Variants in NOL4 observed in about 807,000 individuals in gnomAD.
NOL4 encodes the protein cancer/testis antigen 125.
In NOL4, 17 loss-of-function variants were observed where a neutral mutation model predicts 75.9. That is an observed-to-expected ratio of 0.22 (90% CI 0.15 to 0.34). The LOEUF is 0.34. NOL4 is among the 10% of genes least tolerant of loss of function. The pLI, the probability that NOL4 is intolerant of heterozygous loss-of-function variation, is 1.00. For missense variants in NOL4, 614 were observed against 793.5 expected (o/e 0.77, Z 2.72); for synonymous variants, 292 against 289.9 (o/e 1.01, Z -0.07).
At chr18:33,891,095 A>C (rs2065066822) in intron 9 of NOL4, among the ~76,000 whole-genome samples, 1 of 151,808 alleles carries the variant, frequency 6.6e-6, no homozygotes, top group Admixed American at 6.6e-5. Context: ...ATATTCTTCC[A>C]TACTATAATA....
At chr18:34,199,624 A>G (rs2035591882) in intron 1 of NOL4, among the ~76,000 whole-genome samples, 1 of 151,924 alleles carries the variant, frequency 6.6e-6, no homozygotes, top group African/African-American at 2.4e-5. Context: ...TGAACACGTC[A>G]GTGTTCTGTA....
intron 1 of NOL4, among the ~76,000 whole-genome samples, chr18:34,208,237 T>C (rs896742101): frequency 2.0e-5 from 3 of 152,112 alleles, no homozygotes; most frequent in African/African-American, 4.8e-5. Context: ...AGTTATGTTG[T>C]ATATTCCTTC....
chr18:34,054,094 CA>C (rs1052564069), intron 5 of NOL4, among the ~76,000 whole-genome samples: 1 of 151,886 alleles, frequency 6.6e-6, no homozygotes, highest in Non-Finnish European at 1.5e-5. Flanking sequence ...GGTATAATTT[CA>C]ATCATTTTAA....
At chr18:33,853,983 T>C (rs897550286) in intron 10 of NOL4, among the ~76,000 whole-genome samples, 1 of 152,152 alleles carries the variant, frequency 6.6e-6, no homozygotes, top group Non-Finnish European at 1.5e-5. Flanking sequence ...TTTATACTTC[T>C]TAGCTGACAT....
At chr18:34,117,854 G>C (rs2079935259) in intron 2 of NOL4, among the ~76,000 whole-genome samples, 1 of 152,178 alleles carries the variant, frequency 6.6e-6, no homozygotes, top group Non-Finnish European at 1.5e-5. Flanking sequence ...TAATGTGCGA[G>C]CTGAAATAAA....
chr18:34,081,665 T>C (rs1197052848), intron 5 of NOL4, among the ~76,000 whole-genome samples: 1 of 152,202 alleles, frequency 6.6e-6, no homozygotes, highest in East Asian at 1.9e-4. Context: ...CCTTCCATCA[T>C]AGCTTGGTCT....
intron 1 of NOL4, among the ~76,000 whole-genome samples, chr18:34,194,457 A>AAGGAAGGAAGGAAGGCAGGC (rs1301161192): frequency 4.1e-5 from 6 of 146,318 alleles, no homozygotes; most frequent in African/African-American, 1.5e-4. Flanking sequence ...GGAAGGAAGG[A>AAGGAAGGAAGGAAGGCAGGC]AGGCAGGCAG....
chr18:33,917,941 T>A (rs989292682), intron 9 of NOL4, among the ~76,000 whole-genome samples: 4 of 152,224 alleles, frequency 2.6e-5, no homozygotes, highest in Admixed American at 2.0e-4. Flanking sequence ...AACTGTGGGT[T>A]TTCAGAACAC....
chr18:33,860,440 T>C (rs2063057801), intron 10 of NOL4, among the ~76,000 whole-genome samples: 1 of 152,142 alleles, frequency 6.6e-6, no homozygotes, highest in Admixed American at 6.6e-5. Context: ...GTCTAGGAGT[T>C]TGTGCAAGTT....
chr18:34,168,008 GTTTTA>G (rs1346215688), intron 1 of NOL4, among the ~76,000 whole-genome samples: 11 of 151,494 alleles, frequency 7.3e-5, no homozygotes, highest in Non-Finnish European at 1.3e-4. Flanking sequence ...ATTTTTTTCT[GTTTTA>G]TTTTATAAAT....
chr18:34,162,043 T>C (rs1352612764), intron 1 of NOL4, among the ~76,000 whole-genome samples: 2 of 152,174 alleles, frequency 1.3e-5, no homozygotes, highest in Non-Finnish European at 2.9e-5. Context: ...TCTCCCCAAA[T>C]ATATTATCCA....
chr18:33,947,287 G>C (rs2068903718), intron 8 of NOL4, among the ~76,000 whole-genome samples: 1 of 151,652 alleles, frequency 6.6e-6, no homozygotes, highest in African/African-American at 2.4e-5. Context: ...TTTGACAGTT[G>C]AGGGCTTATT....
intron 9 of NOL4, among the ~76,000 whole-genome samples, chr18:33,931,893 T>C (rs915168758): frequency 6.6e-6 from 1 of 152,062 alleles, no homozygotes; most frequent in Non-Finnish European, 1.5e-5. Flanking sequence ...CTTTTAAATA[T>C]ATAATGAATT....
chr18:34,019,338 C>T lies in NOL4; in HGVS notation c.1036G>A (p.Ala346Thr). ...CATACCTTGCTTCCATTTTCTCTCGCCTCTCGTTCCATCTTGAGGTCAGAA... is the reference window on the plus strand; with the variant it reads ...CATACCTTGCTTCCATTTTCTCTCGTCTCTCGTTCCATCTTGAGGTCAGAA... The part of the protein sequence containing the change: ...LISDLKMERE[A>T]RENGSKSPAH... The change falls in exon 6 of 11, where the codon GCG becomes ACG. Residue 346 changes from alanine to threonine, a missense_variant. Ala to Thr is a moderately conservative substitution (Grantham distance 58). Coordinates refer to ENST00000261592, the MANE Select transcript of NOL4 (RefSeq NM_003787.5). 1.9e-6 allele frequency: 3 copies of T among 1,613,610 alleles called. No individual in the cohort carries two copies. The highest frequency in any genetic ancestry group is 2.5e-6 in the Non-Finnish European group (3 of 1,179,602).
chr18:34,123,640 G>A (rs1381595575), intron 2 of NOL4, among the ~76,000 whole-genome samples: 1 of 146,752 alleles, frequency 6.8e-6, no homozygotes, highest in Admixed American at 6.9e-5. Context: ...TAGATACAGA[G>A]AGATATACCT....
chr18:34,026,579 T>C (rs747714306), intron 5 of NOL4, among the ~76,000 whole-genome samples: 19 of 152,220 alleles, frequency 1.2e-4, no homozygotes, highest in Admixed American at 2.6e-4. Flanking sequence ...ATGGATGTCA[T>C]GGAATGGGCT....
chr18:34,006,612 T>C (rs78980995), intron 6 of NOL4, among the ~76,000 whole-genome samples: 2,607 of 152,154 alleles, frequency 0.017, 43 homozygotes, highest in East Asian at 0.089. Flanking sequence ...CTGCCAAAGC[T>C]ACCATCCATG....
At chr18:34,189,224 C>T (rs2034728264) in intron 1 of NOL4, among the ~76,000 whole-genome samples, 1 of 152,060 alleles carries the variant, frequency 6.6e-6, no homozygotes, top group Non-Finnish European at 1.5e-5. Flanking sequence ...GCAAAAGAGG[C>T]AAAACATGAG....
intron 5 of NOL4, among the ~76,000 whole-genome samples, chr18:34,034,045 C>T (rs1338725957): frequency 6.6e-6 from 1 of 152,132 alleles, no homozygotes; most frequent in Non-Finnish European, 1.5e-5. Context: ...ATGCTCAAGG[C>T]AGTCTTCAAC....
Sources: allele counts gnomAD v4.1 joint callset (sites outside exome capture counted in the v4.1 genomes callset), GRCh38; gene constraint gnomAD v4.1.1; transcripts MANE v1.5; gene names NCBI Gene and HGNC (gene_info 2026-07-23, HGNC 2026-07-21).